The following RBPMS variants were observed in gnomAD, a reference collection of about 807,000 sequenced individuals.
RBPMS encodes the protein RNA-binding protein with multiple splicing.
A neutral mutation model predicts 26.8 loss-of-function variants in RBPMS; 7 were observed. The observed-to-expected ratio is 0.26, with a 90% CI of 0.15 to 0.49. The LOEUF (loss-of-function observed/expected upper bound fraction) is 0.49. Among genes scored for constraint, RBPMS ranks in the 20% least tolerant of loss-of-function variants. The probability of loss-of-function intolerance (pLI) is 0.98; values close to 1 mark genes in which losing one functional copy is unlikely to be tolerated. For missense variants in RBPMS, 186 were observed against 250.0 expected (o/e 0.74, Z 1.73); for synonymous variants, 96 against 93.3 (o/e 1.03, Z -0.17).
At chr8:30,461,130 A>G (rs1213668256) in intron 1 of RBPMS, among the ~76,000 whole-genome samples, 2 of 151,922 alleles carry the variant, frequency 1.3e-5, no homozygotes, top group African/African-American at 4.8e-5. Flanking sequence ...ACCCCTAACT[A>G]CATAGCTTCT....
At chr8:30,472,284 G>A (rs1054720890) in intron 1 of RBPMS, among the ~76,000 whole-genome samples, 2 of 152,160 alleles carry the variant, frequency 1.3e-5, no homozygotes, top group South Asian at 2.1e-4. Flanking sequence ...TTCACTTCAT[G>A]CTAAGGGAAA....
intron 1 of RBPMS, among the ~76,000 whole-genome samples, chr8:30,451,795 CAA>C (rs1367046923): frequency 6.6e-6 from 1 of 152,128 alleles, no homozygotes; most frequent in Non-Finnish European, 1.5e-5. Flanking sequence ...CAAATTGTAA[CAA>C]ATCTCCCAAA....
intron 1 of RBPMS, among the ~76,000 whole-genome samples, chr8:30,430,759 A>G (rs1444256649): frequency 1.3e-5 from 2 of 152,206 alleles, no homozygotes; most frequent in Non-Finnish European, 2.9e-5. Flanking sequence ...TAAAGACTAA[A>G]GTTATAGCCT....
At chr8:30,551,214 C>T (rs919380129) in intron 6 of RBPMS, among the ~76,000 whole-genome samples, 1 of 152,196 alleles carries the variant, frequency 6.6e-6, no homozygotes, top group African/African-American at 2.4e-5. Context: ...CCTTCACCCT[C>T]TTTAGAAGCA....
At chr8:30,412,326 T>C (rs1287492060) in intron 1 of RBPMS, among the ~76,000 whole-genome samples, 1 of 152,208 alleles carries the variant, frequency 6.6e-6, no homozygotes, top group Admixed American at 6.5e-5. Context: ...TATAAGGCTG[T>C]CCACTGAGGC....
At chr8:30,558,823 C>T in intron 6 of RBPMS, 64 bp from the exon 7 acceptor site, 1 of 1,386,942 alleles carries the variant, frequency 7.2e-7, no homozygotes, top group South Asian at 1.2e-5. Context: ...CAAGCAGGAC[C>T]CTCCGTGAGA....
At chr8:30,551,337 C>G (rs1563442255) in intron 6 of RBPMS, among the ~76,000 whole-genome samples, 3 of 152,202 alleles carry the variant, frequency 2.0e-5, no homozygotes, top group Non-Finnish European at 4.4e-5. Flanking sequence ...GGAGGAAATG[C>G]CGTTCAGAAA....
intron 1 of RBPMS, among the ~76,000 whole-genome samples, chr8:30,428,771 A>T (rs1811629608): frequency 6.6e-6 from 1 of 152,054 alleles, no homozygotes; most frequent in African/African-American, 2.4e-5. Flanking sequence ...TACTGTGGGA[A>T]TATAAGGCTT....
intron 5 of RBPMS, among the ~76,000 whole-genome samples, chr8:30,518,131 A>G (rs1391380603): frequency 1.3e-5 from 2 of 152,260 alleles, no homozygotes; most frequent in Non-Finnish European, 2.9e-5. Flanking sequence ...AGTAGCATGT[A>G]TGGAATAGGC....
At chr8:30,437,981 G>A (rs1189710351) in intron 1 of RBPMS, among the ~76,000 whole-genome samples, 2 of 151,872 alleles carry the variant, frequency 1.3e-5, no homozygotes, top group Non-Finnish European at 2.9e-5. Context: ...AAAAAAAGTT[G>A]TTATTTTTAC....
chr8:30,424,998 C>T (rs1811193882), intron 1 of RBPMS, among the ~76,000 whole-genome samples: 1 of 152,108 alleles, frequency 6.6e-6, no homozygotes, highest in Non-Finnish European at 1.5e-5. Flanking sequence ...GTCATCCACC[C>T]AGGCTGGAGT....
chr8:30,455,814 C>G (rs1815136535), intron 1 of RBPMS, among the ~76,000 whole-genome samples: 1 of 152,162 alleles, frequency 6.6e-6, no homozygotes, highest in African/African-American at 2.4e-5. Context: ...GGCATGAACA[C>G]AGGAGGCGGA....
intron 1 of RBPMS, among the ~76,000 whole-genome samples, chr8:30,470,382 T>G (rs2150812771): frequency 6.9e-6 from 1 of 145,374 alleles, no homozygotes; most frequent in East Asian, 2.0e-4. Context: ...AGATTCCATC[T>G]AAAAAAAAAA....
chr8:30,536,596 A>G (rs571351737), intron 5 of RBPMS, among the ~76,000 whole-genome samples: 49 of 152,298 alleles, frequency 3.2e-4, no homozygotes, highest in African/African-American at 1.1e-3. Flanking sequence ...TGAGTGACAA[A>G]TGAAAGTTAT....
chr8:30,479,884 C>T (rs775428581), intron 4 of RBPMS, among the ~76,000 whole-genome samples: 7 of 151,056 alleles, frequency 4.6e-5, no homozygotes, highest in Non-Finnish European at 8.8e-5. Context: ...TCCCAAAAGA[C>T]GTGTGTTGTA....
intron 5 of RBPMS, among the ~76,000 whole-genome samples, chr8:30,530,427 C>T (rs1052727369): frequency 2.6e-5 from 4 of 152,130 alleles, no homozygotes; most frequent in Admixed American, 6.6e-5. Flanking sequence ...CACAACAACA[C>T]GGTTGAATAT....
At chr8:30,433,074 A>G (rs1216762097) in intron 1 of RBPMS, among the ~76,000 whole-genome samples, 1 of 152,180 alleles carries the variant, frequency 6.6e-6, no homozygotes, top group Non-Finnish European at 1.5e-5. Flanking sequence ...AAACTGTCCT[A>G]CAGTGATTCA....
At chr8:30,423,447 G>A (rs527517568) in intron 1 of RBPMS, among the ~76,000 whole-genome samples, 1 of 152,306 alleles carries the variant, frequency 6.6e-6, no homozygotes, top group South Asian at 2.1e-4. Context: ...CTGCAAAGGG[G>A]AAGGCCTGGC....
intron 5 of RBPMS, among the ~76,000 whole-genome samples, chr8:30,519,137 G>A (rs1342820131): frequency 6.6e-6 from 1 of 152,134 alleles, no homozygotes. Context: ...AGTTTTTAAA[G>A]CCACAATACA....
Sources: gnomAD v4.1 joint callset for allele counts (sites outside exome capture counted in the v4.1 genomes callset) on GRCh38, gnomAD v4.1.1 for gene constraint, MANE v1.5 for transcripts, NCBI Gene and HGNC (gene_info 2026-07-23, HGNC 2026-07-21) for gene names.